Variants in ELOVL5 observed in about 807,000 individuals in gnomAD.
ELOVL5 encodes very long chain fatty acid elongase 5.
A neutral mutation model predicts 38.6 loss-of-function variants in ELOVL5; 8 were observed. The observed-to-expected ratio is 0.21, with a 90% confidence interval of 0.12 to 0.37. The LOEUF (loss-of-function observed/expected upper bound fraction) is 0.37. Among genes scored for constraint, ELOVL5 ranks in the 10% least tolerant of loss-of-function variants. The pLI is 1.00. For synonymous variants in ELOVL5, 127 were observed against 133.7 expected (o/e 0.95, Z 0.34); for missense variants, 280 against 367.8 (o/e 0.76, Z 1.95).
intron 3 of ELOVL5, among the ~76,000 whole-genome samples, chr6:53,291,418 G>C (rs1766770566): frequency 6.6e-6 from 1 of 152,134 alleles, no homozygotes; most frequent in Non-Finnish European, 1.5e-5. Context: ...CTTATTAGAT[G>C]CTTAATAATA....
intron 1 of ELOVL5, among the ~76,000 whole-genome samples, chr6:53,346,455 C>T (rs1304906419): frequency 6.6e-6 from 1 of 152,066 alleles, no homozygotes; most frequent in African/African-American, 2.4e-5. Context: ...ATAAGAATTA[C>T]GTGTGGAAAG....
chr6:53,276,230 T>C lies in ELOVL5; in HGVS notation c.273A>G (p.Lys91=). ...GTGTGCCCTGACAGAAGAAGTTGTA[T>C]TTGCCTTCCCATACTCCTGTTACTA... The part of the protein sequence containing the change: ...CELVTGVWEG[K]YNFFCQGTRT... The change falls in exon 4 of 8, where the codon AAA becomes AAG. Residue 91 remains lysine (K), a synonymous_variant. Coordinates refer to ENST00000304434, the MANE Select transcript of ELOVL5 (RefSeq NM_021814.5). 2 of 1,613,250 alleles carry C rather than the reference T, an allele frequency of 1.2e-6. No homozygotes were observed. The highest frequency in any genetic ancestry group is 1.7e-6 in the Non-Finnish European group (2 of 1,179,230).
intron 1 of ELOVL5, among the ~76,000 whole-genome samples, chr6:53,348,000 T>TC (rs1341685934): frequency 7.0e-6 from 1 of 142,544 alleles, no homozygotes; most frequent in African/African-American, 2.6e-5. Context: ...ACACTCTAGC[T>TC]CCCCCGGCGC....
chr6:53,316,181 C>A (rs1006868561), intron 1 of ELOVL5, among the ~76,000 whole-genome samples: 1 of 152,224 alleles, frequency 6.6e-6, no homozygotes, highest in Non-Finnish European at 1.5e-5. Flanking sequence ...ATACATTTAA[C>A]ACACTGTCAC....
chr6:53,335,166 G>A (rs1275277886), intron 1 of ELOVL5, among the ~76,000 whole-genome samples: 1 of 152,168 alleles, frequency 6.6e-6, no homozygotes, highest in Non-Finnish European at 1.5e-5. Flanking sequence ...TTCCCAACCA[G>A]ATTAGTACAC....
chr6:53,298,904 G>GGA (rs1554136860), intron 1 of ELOVL5, among the ~76,000 whole-genome samples: 3 of 149,642 alleles, frequency 2.0e-5, no homozygotes, highest in African/African-American at 7.4e-5. Flanking sequence ...GCAAGGCGGG[G>GGA]GGGGGGAGTT....
At chr6:53,330,864 C>T (rs1202979068) in intron 1 of ELOVL5, among the ~76,000 whole-genome samples, 1 of 151,952 alleles carries the variant, frequency 6.6e-6, no homozygotes, top group African/African-American at 2.4e-5. Context: ...ACACATTAGC[C>T]TAGGCCTACT....
At chr6:53,310,631 C>G (rs769450115) in intron 1 of ELOVL5, among the ~76,000 whole-genome samples, 10 of 152,140 alleles carry the variant, frequency 6.6e-5, no homozygotes, top group Non-Finnish European at 1.2e-4. Context: ...GAGACAGGGT[C>G]TCGCTCTGTT....
chr6:53,348,109 C>G (rs944464770), intron 1 of ELOVL5, among the ~76,000 whole-genome samples: 2 of 151,896 alleles, frequency 1.3e-5, no homozygotes, highest in African/African-American at 2.4e-5. Context: ...CGGTCGCCCC[C>G]GAGTCCCCGC....
chr6:53,348,329 G>A (rs944535050), intron 1 of ELOVL5, among the ~76,000 whole-genome samples: 1 of 151,322 alleles, frequency 6.6e-6, no homozygotes, highest in African/African-American at 2.4e-5. Flanking sequence ...GCAGACCCTC[G>A]CACAGGCTCT....
At chr6:53,343,540 A>G (rs1207008149) in intron 1 of ELOVL5, among the ~76,000 whole-genome samples, 3 of 152,138 alleles carry the variant, frequency 2.0e-5, no homozygotes, top group Admixed American at 1.3e-4. Context: ...GATCTAAATG[A>G]TCTCACTTTC....
chr6:53,339,411 G>A lies in ELOVL5; in HGVS notation c.-9+9406C>T, dbSNP rs190168662. Among the ~76,000 whole-genome samples the A allele has an allele frequency of 1.4e-4, 21 of 152,304 alleles. No individual in the cohort carries two copies. In the East Asian group the frequency reaches 4.0e-3, roughly 29 times the overall value. On this transcript the variant is annotated intron_variant, in intron 1 of 7. Coordinates refer to ENST00000304434, the MANE Select transcript of ELOVL5 (RefSeq NM_021814.5). ...GGATCCTAAGAGAACTGAAGGTGGTGGCAGACTTGTCTATAGCCTGAACAC... is the reference window on the plus strand; with the variant it reads ...GGATCCTAAGAGAACTGAAGGTGGTAGCAGACTTGTCTATAGCCTGAACAC...
chr6:53,273,405 T>TAAA, intron 5 of ELOVL5, 61 bp from the exon 6 acceptor site: 8 of 1,177,328 alleles, frequency 6.8e-6, no homozygotes, highest in East Asian at 2.6e-5. Flanking sequence ...GAACAGGTGG[T>TAAA]AAAAAAAAAA....
chr6:53,321,924 C>A (rs1196768102), intron 1 of ELOVL5, among the ~76,000 whole-genome samples: 1 of 152,166 alleles, frequency 6.6e-6, no homozygotes, highest in African/African-American at 2.4e-5. Context: ...ACAGGTCACC[C>A]ATGTTAGGAG....
At chr6:53,313,453 C>T (rs1187082150) in intron 1 of ELOVL5, among the ~76,000 whole-genome samples, 2 of 152,090 alleles carry the variant, frequency 1.3e-5, no homozygotes, top group Non-Finnish European at 2.9e-5. Flanking sequence ...CTCAACCTCC[C>T]GGGCTCTTGC....
rs371072589 is a variant in ELOVL5 at position 53,339,304 on chromosome 6, T to C, written c.-9+9513A>G. Among the ~76,000 whole-genome samples the C allele has an allele frequency of 2.4e-4, 37 of 152,330 alleles. 1 individual carries two copies. Among genetic ancestry groups the C allele is most frequent in the South Asian group, 2.1e-4 (1 of 4,830 alleles). ...TTTTGTGATTCTCTTATTTTAGGAA[T>C]GCTGATACTTATAGCCATTACAATG... On this transcript the variant is annotated intron_variant, in intron 1 of 7. Coordinates refer to ENST00000304434, the MANE Select transcript of ELOVL5 (RefSeq NM_021814.5).
intron 3 of ELOVL5, among the ~76,000 whole-genome samples, chr6:53,279,229 A>C (rs567921866): frequency 2.6e-5 from 4 of 152,222 alleles, no homozygotes; most frequent in South Asian, 2.1e-4. Context: ...AGGATTAAAC[A>C]TAAGTGTTGG....
rs961440156 is a variant in ELOVL5, at chr6:53,287,711, G to A, written c.246+4065C>T. The A allele has an allele frequency of 1.2e-5, 8 of 656,068 alleles. No homozygotes were observed. The Admixed American group carries it at 1.3e-4, about 11-fold the overall frequency. The allele number at this position is 656,068 out of a possible 1,614,324, so 40.6% of individuals were successfully genotyped here. A position where few individuals can be genotyped will look rare whatever the true frequency, so the allele number is the denominator to read the frequency against. Reference sequence around the variant, plus strand: ...AGGGGTAGAGCCCAGAAGAATGAAAGAGCCTGGTGTTGCTGGGGTTTGAGT... The same window carrying A: ...AGGGGTAGAGCCCAGAAGAATGAAAAAGCCTGGTGTTGCTGGGGTTTGAGT... On this transcript the variant is annotated intron_variant, in intron 3 of 7. Coordinates refer to ENST00000304434, the MANE Select transcript of ELOVL5 (RefSeq NM_021814.5).
At chr6:53,338,387 C>T (rs536463381) in intron 1 of ELOVL5, among the ~76,000 whole-genome samples, 27 of 152,298 alleles carry the variant, frequency 1.8e-4, no homozygotes, top group African/African-American at 6.0e-4. Flanking sequence ...CTACTCCTTG[C>T]AAAAGGAAGA....
Sources: allele counts gnomAD v4.1 joint callset (sites outside exome capture counted in the v4.1 genomes callset), GRCh38; gene constraint gnomAD v4.1.1; transcripts MANE v1.5; gene names NCBI Gene and HGNC (gene_info 2026-07-23, HGNC 2026-07-21).